The following DOP1A variants were observed in gnomAD, a reference collection of about 807,000 sequenced individuals.
The protein encoded by DOP1A is DOP1 leucine zipper like protein A, also known as protein DOP1A.
Under a neutral mutation model 267.6 loss-of-function variants are expected in DOP1A, and 90 were observed. The ratio of observed to expected loss-of-function variants is 0.34; its 90% confidence interval spans 0.28 to 0.40. The LOEUF is 0.40. Ranked by LOEUF, DOP1A falls within the 10% of genes least tolerant of loss-of-function variation. The pLI, the probability that DOP1A is intolerant of heterozygous loss-of-function variation, is 1.00. For missense variants in DOP1A, 2,437 were observed against 2,900.4 expected (o/e 0.84, Z 3.67); for synonymous variants, 932 against 999.1 (o/e 0.93, Z 1.27).
intron 25 of DOP1A, among the ~76,000 whole-genome samples, chr6:83,146,848 A>G (rs1052187586): frequency 6.6e-6 from 1 of 152,216 alleles, no homozygotes; most frequent in African/African-American, 2.4e-5. Context: ...AGATATGTGT[A>G]ATAAGACTCA....
At chr6:83,130,748 T>TG (rs960403455) in intron 17 of DOP1A, among the ~76,000 whole-genome samples, 1 of 151,564 alleles carries the variant, frequency 6.6e-6, no homozygotes, top group Non-Finnish European at 1.5e-5. Context: ...CTTTTGCTTT[T>TG]CTTTTTTTTT....
chr6:83,153,644 T>C (rs575402419), intron 31 of DOP1A, 24 bp downstream of exon 31: 2 of 1,525,676 alleles, frequency 1.3e-6, no homozygotes, highest in South Asian at 2.5e-5. Context: ...TTAAATAGTT[T>C]TTAAAATTAA....
chr6:83,108,906 A>G lies in DOP1A; in HGVS notation c.321-4A>G. On this transcript the variant is annotated splice_region_variant and splice_polypyrimidine_tract_variant and intron_variant, in intron 4 of 38. Transcript: ENST00000349129. The stretch of plus-strand genomic sequence containing the variant: ...CTTCTCCTTTGTCTTTATTTTTTTA[A>G]TAGTTCTGGATTATTTCCTCTTCTT... 6.2e-7 allele frequency: 1 copy of G among 1,602,616 alleles called. No individual in the cohort carries two copies. Among genetic ancestry groups the G allele is most frequent in the Non-Finnish European group, 8.5e-7 (1 of 1,175,078 alleles).
chr6:83,114,119 A>G (rs1775008081), intron 7 of DOP1A, among the ~76,000 whole-genome samples: 2 of 152,184 alleles, frequency 1.3e-5, no homozygotes, highest in Non-Finnish European at 2.9e-5. Context: ...GGTTTTCATA[A>G]GAACTGTGAT....
At chr6:83,100,943 C>G (rs540064118) in intron 4 of DOP1A, 57 bp downstream of exon 4, 1 of 1,129,204 alleles carries the variant, frequency 8.9e-7, no homozygotes, top group East Asian at 3.2e-5. Flanking sequence ...TATTGCTAAA[C>G]TATTTTATAC....
Position 83,140,362 on chromosome 6 carries a change from G to A in DOP1A, c.5374G>A (p.Ala1792Thr), listed in dbSNP as rs763300879. The change falls in exon 23 of 39, where the codon GCA (alanine) becomes ACA (threonine). Residue 1792 changes from alanine to threonine, a missense_variant. Ala to Thr is a moderately conservative substitution (Grantham distance 58). Coordinates refer to ENST00000349129, the MANE Select transcript of DOP1A (RefSeq NM_015018.4). ...TTCTTCAGAAAAGATGACTATTGCC[G>A]CATCCGCATCTCTTACCACTATTAA... ...ADSSEKMTIA[A>T]SASLTTINLG... The A allele has an allele frequency of 2.2e-5, 35 of 1,611,930 alleles. No homozygotes were observed. Among genetic ancestry groups the A allele is most frequent in the Non-Finnish European group, 2.6e-5 (31 of 1,179,584 alleles).
At chr6:83,106,690 A>G (rs1233357755) in intron 4 of DOP1A, among the ~76,000 whole-genome samples, 1 of 152,044 alleles carries the variant, frequency 6.6e-6, no homozygotes, top group Non-Finnish European at 1.5e-5. Context: ...AGTGCCTGTA[A>G]TACTAGCTAC....
chr6:83,143,151 C>T (rs1271112513), intron 24 of DOP1A, among the ~76,000 whole-genome samples: 3 of 152,158 alleles, frequency 2.0e-5, no homozygotes, highest in Non-Finnish European at 4.4e-5. Flanking sequence ...GGCACAGTGG[C>T]TCATAGCTAT....
intron 3 of DOP1A, among the ~76,000 whole-genome samples, chr6:83,099,677 C>CAT (rs200418988): frequency 2.2e-5 from 3 of 137,922 alleles, no homozygotes; most frequent in African/African-American, 5.7e-5. Flanking sequence ...GCAAGGATTG[C>CAT]ATATGTGTGT....
chr6:83,130,284 G>C lies in DOP1A; in HGVS notation c.2503G>C (p.Val835Leu). ...GGTCACTGGGGAAAACATCAACAGTGTAGAGCCTGCACAACCCTTAAGTCC... is the reference window on the plus strand; with the variant it reads ...GGTCACTGGGGAAAACATCAACAGTCTAGAGCCTGCACAACCCTTAAGTCC... ...AMVTGENINSVEPAQPLSPNQ... is the reference protein window; with the variant it reads ...AMVTGENINSLEPAQPLSPNQ... The change falls in exon 17 of 39, where the codon GTA becomes CTA. Residue 835 changes from valine (V) to leucine (L), a missense_variant. This residue lies in a region of DOP1A where 878 missense variants were observed against 992.9 expected (regional missense o/e 0.88). Transcript: ENST00000349129. The C allele has an allele frequency of 5.6e-6, 9 of 1,614,040 alleles. No individual in the cohort carries two copies. The highest frequency in any genetic ancestry group is 7.6e-6 in the Non-Finnish European group (9 of 1,179,968).
At chr6:83,070,303 A>G (rs1248803331) in intron 1 of DOP1A, among the ~76,000 whole-genome samples, 1 of 152,230 alleles carries the variant, frequency 6.6e-6, no homozygotes, top group African/African-American at 2.4e-5. Context: ...TGAGAATTGT[A>G]TGAAAATATG....
Position 83,137,937 on chromosome 6 carries a change from A to G in DOP1A, c.3895A>G (p.Lys1299Glu), listed in dbSNP as rs1779096668. The change falls in exon 21 of 39, where the codon AAA becomes GAA. Residue 1299 changes from lysine to glutamate, a missense_variant. Lys to Glu is a moderately conservative substitution (Grantham distance 56, BLOSUM62 1). This residue lies in a region of DOP1A where 878 missense variants were observed against 992.9 expected (regional missense o/e 0.88). Coordinates refer to ENST00000349129, the MANE Select transcript of DOP1A (RefSeq NM_015018.4). ...ESGKQPGAKP[K>E]VKLARKKDDD... ...AGGTAAACAACCAGGAGCAAAACCT[A>G]AAGTAAAACTTGCCAGAAAAAAGGA... 19 of 1,604,958 alleles carry G rather than the reference A, an allele frequency of 1.2e-5. No homozygotes were observed. Among genetic ancestry groups the G allele is most frequent in the Non-Finnish European group, 1.6e-5 (19 of 1,177,502 alleles).
At chr6:83,146,538 T>C (rs926532032) in intron 25 of DOP1A, among the ~76,000 whole-genome samples, 2 of 152,154 alleles carry the variant, frequency 1.3e-5, no homozygotes, top group African/African-American at 4.8e-5. Context: ...ATGAGGGATA[T>C]GAAAACAAAT....
At chr6:83,148,991 C>A in intron 27 of DOP1A, 128 bp downstream of exon 27, 4 of 515,526 alleles carry the variant, frequency 7.8e-6, no homozygotes, top group South Asian at 9.2e-5. Context: ...TCTTGAGATG[C>A]AAAACTAGAT....
chr6:83,128,950 A>G lies in DOP1A; in HGVS notation c.1783A>G (p.Ser595Gly). The G allele has an allele frequency of 2.5e-6, 4 of 1,574,646 alleles. No individual in the cohort carries two copies. Among genetic ancestry groups the G allele is most frequent in the Non-Finnish European group, 2.6e-6 (3 of 1,159,122 alleles). The change falls in exon 16 of 39, where the codon AGT (serine) becomes GGT (glycine). Residue 595 changes from serine (S) to glycine (G), a missense_variant. By Grantham distance (56) the Ser-to-Gly change is moderately conservative. Around this residue, in one of 9 missense-constraint regions of DOP1A, gnomAD observed 498 missense variants for 513.5 expected, o/e 0.97. Coordinates refer to ENST00000349129, the MANE Select transcript of DOP1A (RefSeq NM_015018.4). ...TGAAGATGGAGAAAATCCACCAAGT[A>G]GTCGATCATCAGAGAGTGGATTCAC... ...VFEDGENPPSSRSSESGFTEF... is the reference protein window; with the variant it reads ...VFEDGENPPSGRSSESGFTEF...
chr6:83,136,423 T>G (rs1287861759), intron 20 of DOP1A, among the ~76,000 whole-genome samples: 1 of 152,106 alleles, frequency 6.6e-6, no homozygotes, highest in Non-Finnish European at 1.5e-5. Context: ...ATTGTCCCCT[T>G]AGATTAATTT....
At chr6:83,155,906 T>G (rs774063995) in intron 33 of DOP1A, 45 bp from the exon 34 acceptor site, 1 of 1,581,872 alleles carries the variant, frequency 6.3e-7, no homozygotes, top group Non-Finnish European at 8.6e-7. Flanking sequence ...AGAATAATCT[T>G]TCTTCAGATG....
intron 7 of DOP1A, among the ~76,000 whole-genome samples, chr6:83,115,772 C>T (rs1221702080): frequency 1.3e-5 from 2 of 151,990 alleles, no homozygotes; most frequent in African/African-American, 2.4e-5. Flanking sequence ...CTATAGTTAC[C>T]GTGTTGTACC....
At chr6:83,091,425 T>C (rs569780523) in intron 1 of DOP1A, among the ~76,000 whole-genome samples, 24 of 152,098 alleles carry the variant, frequency 1.6e-4, no homozygotes, top group African/African-American at 5.1e-4. Context: ...TAAACATATA[T>C]CAAACAAACA....
Sources: gnomAD v4.1 joint callset for allele counts (sites outside exome capture counted in the v4.1 genomes callset) on GRCh38, gnomAD v4.1.1 for gene constraint, gnomAD v4.1.1 regional missense constraint, MANE v1.5 for transcripts, NCBI Gene and HGNC (gene_info 2026-07-23, HGNC 2026-07-21) for gene names.